Variants in RNF43 observed in about 807,000 individuals in gnomAD.
The protein encoded by RNF43 is E3 ubiquitin-protein ligase RNF43.
RNF43 carries 37 observed loss-of-function variants against 78.4 expected under a neutral mutation model. The ratio of observed to expected loss-of-function variants is 0.47; its 90% CI spans 0.36 to 0.62. The LOEUF is 0.62. Among genes scored for constraint, RNF43 ranks in the 20% least tolerant of loss-of-function variants. The pLI is 0.00. For synonymous variants in RNF43, 347 were observed against 395.0 expected (o/e 0.88, Z 1.44); for missense variants, 774 against 1,007.9 (o/e 0.77, Z 3.14).
chr17:58,414,032 A>T (rs1413358492), intron 2 of RNF43, among the ~76,000 whole-genome samples: 1 of 152,182 alleles, frequency 6.6e-6, no homozygotes, highest in Non-Finnish European at 1.5e-5. Flanking sequence ...AAGTATTCCT[A>T]ATTCCATTTT....
At chr17:58,416,193 C>A in intron 1 of RNF43, 1 of 156,334 alleles carries the variant, frequency 6.4e-6, no homozygotes, top group Non-Finnish European at 1.4e-5. Context: ...AAAGATGCTA[C>A]AATATGTATT....
At chr17:58,363,860 G>T (rs1297293939) in intron 3 of RNF43, among the ~76,000 whole-genome samples, 7 of 152,206 alleles carry the variant, frequency 4.6e-5, no homozygotes, top group Non-Finnish European at 7.4e-5. Context: ...CTTAAGGGGG[G>T]TTTACAGGGT....
chr17:58,395,454 A>T (rs934508996), intron 2 of RNF43, among the ~76,000 whole-genome samples: 14 of 152,186 alleles, frequency 9.2e-5, no homozygotes, highest in Non-Finnish European at 1.8e-4. Context: ...TATGAGGGAC[A>T]GTTTATTATT....
intron 2 of RNF43, among the ~76,000 whole-genome samples, chr17:58,384,435 T>C (rs1428676351): frequency 6.6e-6 from 1 of 152,238 alleles, no homozygotes; most frequent in Non-Finnish European, 1.5e-5. Flanking sequence ...AAAGCAACAC[T>C]ACCCTTTGTC....
In RNF43 at chr17:58,357,322, G is replaced by A; in HGVS notation, c.2308+146C>T. 9.8e-7 allele frequency: 1 copy of A among 1,016,230 alleles called. No individual in the cohort carries two copies. The highest frequency in any genetic ancestry group is 1.5e-6 in the Non-Finnish European group (1 of 659,370). The allele number at this position is 1,016,230 out of a possible 1,614,324, so 63.0% of individuals were successfully genotyped here. On this transcript the variant is annotated intron_variant, in intron 9 of 9. Transcript: ENST00000407977. This position sits in a 1 kb window ranked among gnomAD's most constrained non-coding sequence, Gnocchi z 4.5. ...TGCACTCTAGCCAGCATGATACGCT[G>A]TCCCGATGGTTAAGTATTTTGGTTG...
intron 2 of RNF43, among the ~76,000 whole-genome samples, chr17:58,388,254 G>T (rs983781137): frequency 2.0e-5 from 3 of 152,146 alleles, no homozygotes; most frequent in Non-Finnish European, 2.9e-5. Context: ...CCCTTTCCTA[G>T]CCAAATACCT....
At chr17:58,391,677 G>A (rs1353049738) in intron 2 of RNF43, among the ~76,000 whole-genome samples, 3 of 152,310 alleles carry the variant, frequency 2.0e-5, no homozygotes, top group Non-Finnish European at 2.9e-5. Context: ...CCAGGTGCCC[G>A]AAATTCTTAC....
chr17:58,366,021 T>C (rs1176654350), intron 3 of RNF43, among the ~76,000 whole-genome samples: 1 of 152,210 alleles, frequency 6.6e-6, no homozygotes, highest in Admixed American at 6.5e-5. Context: ...CAAGAGTCCC[T>C]GTATATCTTC....
In RNF43 at chr17:58,358,651, G is replaced by T; in HGVS notation, c.1125C>A (p.Phe375Leu). ...AVARPPRPGPFLPSQEPGMGP... is the reference protein window; with the variant it reads ...AVARPPRPGPLLPSQEPGMGP... ...CCATGCCTGGCTCCTGGGATGGCAG[G>T]AAGGGACCAGGTCGTGGGGGCCGAG... Residue 375 changes from phenylalanine to leucine, a missense_variant, in exon 9 of 10, where the codon TTC becomes TTA. Physicochemically the swap from Phe to Leu is conservative, Grantham distance 22. Coordinates refer to ENST00000407977, the MANE Select transcript of RNF43 (RefSeq NM_017763.6). This position sits in a 1 kb window ranked among gnomAD's most constrained non-coding sequence, Gnocchi z 6.2. The T allele has an allele frequency of 6.5e-7, 1 of 1,529,398 alleles. No homozygotes were observed. 94.7% of individuals were successfully genotyped at this position (1,529,398 alleles called of 1,614,324 possible).
Position 58,358,929 on chromosome 17 carries a change from T to G in RNF43, c.953-106A>C. 1 of 1,215,142 alleles carries G rather than the reference T, an allele frequency of 8.2e-7. No individual in the cohort carries two copies. 75.3% of individuals were successfully genotyped at this position (1,215,142 alleles called of 1,614,324 possible). ...AATCTATTTGACCCTGAGTAGCCTG[T>G]GAGCTCAGAGTTTGGGGGATCAAGG... is the stretch of plus-strand genomic sequence containing the variant. On this transcript the variant is annotated intron_variant, in intron 8 of 9. Coordinates refer to ENST00000407977, the MANE Select transcript of RNF43 (RefSeq NM_017763.6). This position sits in a 1 kb window ranked among gnomAD's most constrained non-coding sequence, Gnocchi z 6.2.
At chr17:58,366,718 A>G (rs1972959591) in intron 3 of RNF43, among the ~76,000 whole-genome samples, 1 of 152,216 alleles carries the variant, frequency 6.6e-6, no homozygotes, top group African/African-American at 2.4e-5. Flanking sequence ...GACCTAGTCC[A>G]TAGGGTTGTT....
chr17:58,413,743 T>G lies in RNF43; in HGVS notation c.252+1583A>C, dbSNP rs924878607. ...CTTTTTCCTTTATGAAAACACAAAC[T>G]TTATGTAGAGCTTTATGATAATAAG... On this transcript the variant is annotated intron_variant, in intron 2 of 9. Transcript: ENST00000407977. Among the ~76,000 whole-genome samples, 3 of 152,308 alleles carry G rather than the reference T, an allele frequency of 2.0e-5. No individual in the cohort carries two copies. The East Asian group carries it at 5.8e-4, about 29-fold the overall frequency.
At chr17:58,375,524 G>A (rs1039037132) in intron 2 of RNF43, among the ~76,000 whole-genome samples, 10 of 152,150 alleles carry the variant, frequency 6.6e-5, no homozygotes, top group Non-Finnish European at 1.5e-4. Flanking sequence ...ACTGAGTCTA[G>A]CCTGCCCCCC....
At position 58,363,534 on chromosome 17, in the gene RNF43, C is replaced by A. The variant is rs2143473153; in HGVS notation, c.442G>T (p.Ala148Ser). 6.2e-7 allele frequency: 1 copy of A among 1,612,406 alleles called. No individual in the cohort carries two copies. Among genetic ancestry groups the A allele is most frequent in the Non-Finnish European group, 8.5e-7 (1 of 1,178,688 alleles). The change falls in exon 4 of 10, where the codon GCT (alanine) becomes TCT (serine). Residue 148 changes from alanine (A) to serine (S), a missense_variant. Transcript: ENST00000407977. ...LFDITEDRAA[A>S]EQLQQPLGLT... is the part of the protein sequence containing the mutation. ...CAAATGTCCCTGGGTACCTGCTCAG[C>A]AGCAGCTCGATCCTCAGTGATGTCA...
intron 2 of RNF43, among the ~76,000 whole-genome samples, chr17:58,385,076 A>G (rs1436190168): frequency 6.6e-6 from 1 of 152,200 alleles, no homozygotes; most frequent in Non-Finnish European, 1.5e-5. Context: ...TCATGACATA[A>G]TACTATTCTA....
chr17:58,412,900 T>C (rs943273481), intron 2 of RNF43, among the ~76,000 whole-genome samples: 1 of 152,086 alleles, frequency 6.6e-6, no homozygotes, highest in African/African-American at 2.4e-5. Flanking sequence ...TTTAAAAAGA[T>C]TTGACTGCAA....
intron 2 of RNF43, among the ~76,000 whole-genome samples, chr17:58,383,289 TTTG>T (rs1567886254): frequency 6.6e-6 from 1 of 151,966 alleles, no homozygotes; most frequent in Non-Finnish European, 1.5e-5. Context: ...AGTTTTTTTG[TTTG>T]TTTTTCTTTG....
Position 58,360,059 on chromosome 17 carries a change from C to G in RNF43, c.952+90G>C, listed in dbSNP as rs1176243335. 1.0e-6 allele frequency: 1 copy of G among 961,388 alleles called. No individual in the cohort carries two copies. The highest frequency in any genetic ancestry group is 1.8e-5 in the Admixed American group (1 of 55,998). 59.6% of individuals were successfully genotyped at this position (961,388 alleles called of 1,614,324 possible). A position where few individuals can be genotyped will look rare whatever the true frequency, so the allele number is the denominator to read the frequency against. On this transcript the variant is annotated intron_variant, in intron 8 of 9. Coordinates refer to ENST00000407977, the MANE Select transcript of RNF43 (RefSeq NM_017763.6). The surrounding 1 kb of genome is among the most constrained non-coding windows in gnomAD (Gnocchi z 4.3). The stretch of plus-strand genomic sequence containing the variant: ...TATGGTGGCAGTTCTGCTTTCTCCC[C>G]AGCTTCAAGGCTGCAACCCTTTCCC...
At position 58,394,282 on chromosome 17, in the gene RNF43, C is replaced by T. The variant is rs759528928; in HGVS notation, c.252+21044G>A. ...TACAAAAGGAAACCCTATCCATTGA[C>T]GGTGAATTTTAGAAGAAATTTCAGA... On this transcript the variant is annotated intron_variant, in intron 2 of 9. Coordinates refer to ENST00000407977, the MANE Select transcript of RNF43 (RefSeq NM_017763.6). 8.5e-5 allele frequency among the ~76,000 whole-genome samples: 13 copies of T among 152,104 alleles called. 1 individual carries two copies. Among genetic ancestry groups the T allele is most frequent in the South Asian group, 6.2e-4 (3 of 4,828 alleles).
Sources: allele counts gnomAD v4.1 joint callset (sites outside exome capture counted in the v4.1 genomes callset), GRCh38; gene constraint gnomAD v4.1.1; non-coding constraint Gnocchi (gnomAD v3.1); transcripts MANE v1.5; gene names NCBI Gene and HGNC (gene_info 2026-07-23, HGNC 2026-07-21).